MSMO1: variants seen among roughly 807,000 people sequenced by gnomAD.
MSMO1 encodes the protein methylsterol monooxygenase 1, also known as C-4 methylsterol oxidase.
Under a neutral mutation model 30.4 loss-of-function variants are expected in MSMO1, and 18 were observed. The observed-to-expected ratio is 0.59, with a 90% confidence interval of 0.41 to 0.88. MSMO1 has a LOEUF of 0.88. Ranked by LOEUF, MSMO1 falls within the 40% of genes least tolerant of loss-of-function variation. The pLI, the probability that MSMO1 is intolerant of heterozygous loss-of-function variation, is 0.00. For missense variants in MSMO1, 284 were observed against 340.5 expected (o/e 0.83, Z 1.31); for synonymous variants, 84 against 107.9 (o/e 0.78, Z 1.37).
At chr4:165,338,546 T>TG (rs1200208429) in intron 3 of MSMO1, 106 bp from the exon 4 acceptor site, 1 of 934,346 alleles carries the variant, frequency 1.1e-6, no homozygotes, top group Non-Finnish European at 1.7e-6. Flanking sequence ...ACCTGGTAAG[T>TG]GGGTGGGTGG....
chr4:165,337,843 A>G lies in MSMO1; in HGVS notation c.310A>G (p.Asn104Asp). 1 of 1,613,568 alleles carries G rather than the reference A, an allele frequency of 6.2e-7. No individual in the cohort carries two copies. The highest frequency in any genetic ancestry group is 8.5e-7 in the Non-Finnish European group (1 of 1,179,652). The change falls in exon 3 of 6, where the codon AAT becomes GAT. Residue 104 changes from asparagine to aspartate, a missense_variant. Coordinates refer to ENST00000261507, the MANE Select transcript of MSMO1 (RefSeq NM_006745.5). ...GAAGTGTTTCAAAGTTCTTCTCTTTAATCACTTCTGTATCCAGCTGCCTTT... is the reference window on the plus strand; with the variant it reads ...GAAGTGTTTCAAAGTTCTTCTCTTTGATCACTTCTGTATCCAGCTGCCTTT... ...QWKCFKVLLF[N>D]HFCIQLPLIC...
intron 2 of MSMO1, among the ~76,000 whole-genome samples, chr4:165,334,500 C>G (rs571604232): frequency 1.3e-5 from 2 of 152,268 alleles, no homozygotes; most frequent in South Asian, 4.1e-4. Flanking sequence ...CAGGGCTATT[C>G]AAGTTTTTTT....
chr4:165,342,630 T>TA lies in MSMO1; in HGVS notation c.*685dup, dbSNP rs1273128854. 2.0e-5 allele frequency: 3 copies of TA among 152,546 alleles called. No individual in the cohort carries two copies. The highest frequency in any genetic ancestry group is 4.1e-4 in the South Asian group (2 of 4,834). The allele number at this position is 152,546 out of a possible 1,614,324, so 9.4% of individuals were successfully genotyped here. ...CCTTGGCCTCCCAAAGTGCTGGGAT[T>TA]ACAGGTGTAAGCCACTGCGCCCGGC... On this transcript the variant is annotated 3_prime_UTR_variant, in exon 6 of 6. Coordinates refer to ENST00000261507, the MANE Select transcript of MSMO1 (RefSeq NM_006745.5).
chr4:165,333,646 ATAGAATATTATCAT>A (rs1271648871), intron 2 of MSMO1, 21 bp downstream of exon 2: 1 of 1,550,380 alleles, frequency 6.5e-7, no homozygotes, highest in Non-Finnish European at 8.8e-7. Context: ...GGGACTAGAA[ATAGAATATTATCAT>A]TAATGTTGCT....
At chr4:165,338,533 T>A in intron 3 of MSMO1, 119 bp from the exon 4 acceptor site, 1 of 822,166 alleles carries the variant, frequency 1.2e-6, no homozygotes, top group Non-Finnish European at 2.0e-6. Context: ...TCCAATTAGG[T>A]CAACCTGGTA....
chr4:165,333,492 T>G lies in MSMO1; in HGVS notation c.122T>G (p.Leu41Trp). ...EPFKNAWNYM[L>W]NNYTKFQIAT... is the part of the protein sequence containing the mutation. Reference sequence around the variant, plus strand: ...TTTAAAAATGCTTGGAACTATATGTTGAATAATTATACAAAGTTCCAGATT... The same window carrying G: ...TTTAAAAATGCTTGGAACTATATGTGGAATAATTATACAAAGTTCCAGATT... The change falls in exon 2 of 6, where the codon TTG becomes TGG. Residue 41 changes from leucine to tryptophan, a missense_variant. Coordinates refer to ENST00000261507, the MANE Select transcript of MSMO1 (RefSeq NM_006745.5). 4 of 1,613,610 alleles carry G rather than the reference T, an allele frequency of 2.5e-6. No individual in the cohort carries two copies. Among genetic ancestry groups the G allele is most frequent in the Non-Finnish European group, 2.5e-6 (3 of 1,179,754 alleles).
Position 165,328,506 on chromosome 4 carries a change from T to G in MSMO1, c.-32+742T>G, listed in dbSNP as rs147046815. On this transcript the variant is annotated intron_variant, in intron 1 of 5. Coordinates refer to ENST00000261507, the MANE Select transcript of MSMO1 (RefSeq NM_006745.5). ...AAATAAGGTTTAGGAAGGGCAAGCT[T>G]GGAGGCAGGGCAAGTCCAGAAAATG... Among the ~76,000 whole-genome samples the G allele has an allele frequency of 3.5e-3, 537 of 152,284 alleles. 2 individuals are homozygous for G. The highest frequency in any genetic ancestry group is 5.7e-3 in the Non-Finnish European group (389 of 68,012).
chr4:165,337,588 C>T (rs1289799338), intron 2 of MSMO1, among the ~76,000 whole-genome samples: 1 of 152,146 alleles, frequency 6.6e-6, no homozygotes, highest in Non-Finnish European at 1.5e-5. Flanking sequence ...CATGGCTAGG[C>T]GCATCTGTTA....
chr4:165,333,388 T>C lies in MSMO1; in HGVS notation c.18T>C (p.Ser6=), dbSNP rs888751066. 6.2e-7 allele frequency: 1 copy of C among 1,611,798 alleles called. No individual in the cohort carries two copies. Among genetic ancestry groups the C allele is most frequent in the Non-Finnish European group, 8.5e-7 (1 of 1,179,784 alleles). ...TTTGAAAAATGGCAACAAATGAAAG[T>C]GTCAGCATCTTTAGTTCAGCATCCT... MATNE[S]VSIFSSASLA... is the part of the protein sequence containing the mutation. The change falls in exon 2 of 6, where the codon AGT becomes AGC. Residue 6 remains serine (S), a synonymous_variant. Transcript: ENST00000261507.
rs367758461 is a variant in MSMO1, at chr4:165,341,700, A to G, written c.687-51A>G. ...CACATGATTATTAATAAAAACAACA[A>G]TCATTTGAGATGTATTTATTCCTTA... On this transcript the variant is annotated intron_variant, in intron 5 of 5. Coordinates refer to ENST00000261507, the MANE Select transcript of MSMO1 (RefSeq NM_006745.5). 6,732 of 1,487,796 alleles carry G rather than the reference A, an allele frequency of 4.5e-3. 30 individuals carry two copies. The highest frequency in any genetic ancestry group is 4.6e-3 in the Non-Finnish European group (4,917 of 1,067,040). 92.2% of individuals were successfully genotyped at this position (1,487,796 alleles called of 1,614,324 possible).
intron 1 of MSMO1, among the ~76,000 whole-genome samples, chr4:165,332,256 A>C (rs1747418244): frequency 1.3e-5 from 2 of 152,250 alleles, no homozygotes; most frequent in South Asian, 4.1e-4. Flanking sequence ...CTTGCTATGC[A>C]TACTGTTCTG....
chr4:165,332,319 G>A (rs114887621), intron 1 of MSMO1, among the ~76,000 whole-genome samples: 3,029 of 152,304 alleles, frequency 0.02, 36 homozygotes, highest in Non-Finnish European at 0.033. Flanking sequence ...TATGTAGAGC[G>A]TATAGATCTT....
chr4:165,340,268 A>C lies in MSMO1; in HGVS notation c.579A>C (p.Leu193=). The C allele has an allele frequency of 6.2e-7, 1 of 1,613,956 alleles. No individual in the cohort carries two copies. Among genetic ancestry groups the C allele is most frequent in the African/African-American group, 1.3e-5 (1 of 75,046 alleles). Residue 193 remains leucine (L), a synonymous_variant, in exon 5 of 6, where the codon CTA becomes CTC. Transcript: ENST00000261507. ...AATATGCACATCCTTTGGAGACTCT[A>C]ATTCTTGGAACTGGATTTTTCATTG... is the stretch of plus-strand genomic sequence containing the variant. ...EAEYAHPLET[L]ILGTGFFIGI... is the part of the protein sequence containing the mutation.
chr4:165,337,736 G>C (rs1747598647), intron 2 of MSMO1, 53 bp from the exon 3 acceptor site: 5 of 1,582,876 alleles, frequency 3.2e-6, no homozygotes, highest in African/African-American at 1.3e-5. Context: ...ATTAGGTCAA[G>C]TTAAACTCTG....
At chr4:165,338,300 GTATGTGTA>G (rs1382109370) in intron 3 of MSMO1, among the ~76,000 whole-genome samples, 2 of 17,336 alleles carry the variant, frequency 1.2e-4, no homozygotes, top group African/African-American at 4.4e-4. Flanking sequence ...ACAAAAATAT[GTATGTGTA>G]TATATATATA....
At chr4:165,333,308 T>C in intron 1 of MSMO1, 32 bp from the exon 2 acceptor site, 1 of 1,541,818 alleles carries the variant, frequency 6.5e-7, no homozygotes, top group Non-Finnish European at 8.9e-7. Context: ...AGCTCATTGT[T>C]TAACTTATTA....
At chr4:165,340,150 G>T (rs1747677264) in intron 4 of MSMO1, 71 bp from the exon 5 acceptor site, 9 of 1,382,936 alleles carry the variant, frequency 6.5e-6, no homozygotes, top group Non-Finnish European at 9.2e-6. Flanking sequence ...TCATAGCCTA[G>T]CCAAGTTGAC....
At chr4:165,334,184 T>C (rs7698915) in intron 2 of MSMO1, among the ~76,000 whole-genome samples, 88,624 of 151,944 alleles carry the variant, frequency 0.58, 26,086 homozygotes, top group Admixed American at 0.65. Context: ...ATTCCGTGTG[T>C]ATTTTACATT....
Position 165,342,190 on chromosome 4 carries a change from C to T in MSMO1, c.*244C>T, listed in dbSNP as rs1171615092. ...TTTTCATGAGGAAGTTTTAAAAGAC[C>T]ATGTTCCTAAGCTTCCAAGAAGGTT... On this transcript the variant is annotated 3_prime_UTR_variant, in exon 6 of 6. Transcript: ENST00000261507. 1 of 379,660 alleles carries T rather than the reference C, an allele frequency of 2.6e-6. No individual in the cohort carries two copies. Among genetic ancestry groups the T allele is most frequent in the African/African-American group, 2.1e-5 (1 of 47,914 alleles). 23.5% of individuals were successfully genotyped at this position (379,660 alleles called of 1,614,324 possible).
Sources: allele counts gnomAD v4.1 joint callset (sites outside exome capture counted in the v4.1 genomes callset), GRCh38; gene constraint gnomAD v4.1.1; transcripts MANE v1.5; gene names NCBI Gene and HGNC (gene_info 2026-07-23, HGNC 2026-07-21).